ZNF225: variants seen among roughly 807,000 people sequenced by gnomAD.
ZNF225 encodes zinc finger protein 225.
ZNF225 carries 6 observed loss-of-function variants against 12.0 expected under a neutral mutation model. The ratio of observed to expected loss-of-function variants is 0.50; its 90% CI spans 0.27 to 0.98. The LOEUF (loss-of-function observed/expected upper bound fraction) is 0.98. Among genes scored for constraint, ZNF225 ranks in the 50% least tolerant of loss-of-function variants. The probability of loss-of-function intolerance (pLI) is 0.11; values close to 1 mark genes in which losing one functional copy is unlikely to be tolerated. For synonymous variants in ZNF225, 271 were observed against 283.2 expected (o/e 0.96, Z 0.43); for missense variants, 763 against 848.2 (o/e 0.90, Z 1.25).
chr19:44,127,640 C>CTTTAT (rs1488343254), intron 4 of ZNF225, among the ~76,000 whole-genome samples: 171 of 152,026 alleles, frequency 1.1e-3, no homozygotes, highest in African/African-American at 3.8e-3. Flanking sequence ...ATTTTTCTTT[C>CTTTAT]TTTATTTTAT....
In ZNF225 at chr19:44,118,254, G is replaced by A. The variant is rs1380708009; in HGVS notation, c.82G>A (p.Ala28Thr). ...TEEELRLLDL[A>T]QRKLYREVML... ...GGAAGAGCTGAGGCTGCTGGACCTT[G>A]CCCAGAGGAAACTGTACCGAGAAGT... The change falls in exon 3 of 5, where the codon GCC (alanine) becomes ACC (threonine). Residue 28 changes from alanine to threonine, a missense_variant. Physicochemically the swap from Ala to Thr is moderately conservative, Grantham distance 58 (BLOSUM62 0). Transcript: ENST00000262894. The A allele has an allele frequency of 6.2e-7, 1 of 1,613,486 alleles. No homozygotes were observed. The highest frequency in any genetic ancestry group is 2.2e-5 in the East Asian group (1 of 44,848).
In ZNF225 at chr19:44,118,593, T is replaced by G; in HGVS notation, c.235+19T>G. 6.2e-7 allele frequency: 1 copy of G among 1,604,018 alleles called. No homozygotes were observed. Among genetic ancestry groups the G allele is most frequent in the Non-Finnish European group, 8.5e-7 (1 of 1,172,462 alleles). On this transcript the variant is annotated intron_variant, in intron 4 of 4. Transcript: ENST00000262894. ...AATTTAGGTAAGAAGCAAGCAACTCTGTGTCCTTGTGCGTGACTCTCCCAT... is the reference window on the plus strand; with the variant it reads ...AATTTAGGTAAGAAGCAAGCAACTCGGTGTCCTTGTGCGTGACTCTCCCAT...
upstream of ZNF225, chr19:44,113,274 G>T (rs879564688): frequency 6.6e-6 from 1 of 152,328 alleles, no homozygotes; most frequent in Non-Finnish European, 1.5e-5. Context: ...GACGCTCAGT[G>T]GAGTCTCGGT....
At chr19:44,118,093 C>A in intron 2 of ZNF225, 95 bp from the exon 3 acceptor site, 1 of 1,403,146 alleles carries the variant, frequency 7.1e-7, no homozygotes. Flanking sequence ...AGATCCAAAA[C>A]AGCTTCTCAT....
At chr19:44,118,715 C>T in intron 4 of ZNF225, 141 bp downstream of exon 4, 1 of 823,284 alleles carries the variant, frequency 1.2e-6, no homozygotes, top group Admixed American at 3.0e-5. Context: ...GCTGGTTTCC[C>T]TGCTCCCACT....
chr19:44,119,507 A>G (rs1968012081), intron 4 of ZNF225, among the ~76,000 whole-genome samples: 1 of 152,044 alleles, frequency 6.6e-6, no homozygotes, highest in Non-Finnish European at 1.5e-5. Flanking sequence ...CCCTTCCTCC[A>G]TCTTCAAAGG....
At chr19:44,112,347 A>G (rs970001402), upstream of ZNF225, 7 of 152,184 alleles carry the variant, frequency 4.6e-5, no homozygotes, top group African/African-American at 1.7e-4. Flanking sequence ...TTCCTTAGGA[A>G]GGGAAATAAT....
upstream of ZNF225, among the ~76,000 whole-genome samples, chr19:44,112,669 GA>G (rs961226556): frequency 1.3e-5 from 2 of 152,120 alleles, no homozygotes; most frequent in Non-Finnish European, 2.9e-5. Context: ...TAACGGAGGG[GA>G]AAAAACTAAA....
In ZNF225 at chr19:44,131,970, A is replaced by C. The variant is rs775673893; in HGVS notation, c.1356A>C (p.Gly452=). ...DLDFHQRVHR[G]EKPYNCKECG... is the part of the protein sequence containing the mutation. Reference sequence around the variant, plus strand: ...ACTTTCATCAGAGGGTCCACAGAGGAGAGAAACCCTATAATTGTAAGGAAT... The same window carrying C: ...ACTTTCATCAGAGGGTCCACAGAGGCGAGAAACCCTATAATTGTAAGGAAT... The change falls in exon 5 of 5, where the codon GGA becomes GGC. Residue 452 remains glycine, a synonymous_variant. Transcript: ENST00000262894. 1 of 1,613,872 alleles carries C rather than the reference A, an allele frequency of 6.2e-7. No individual in the cohort carries two copies. The highest frequency in any genetic ancestry group is 1.1e-5 in the South Asian group (1 of 91,056).
intron 4 of ZNF225, chr19:44,128,766 A>G (rs1329258622): frequency 3.0e-6 from 1 of 336,318 alleles, no homozygotes; most frequent in African/African-American, 2.1e-5. Flanking sequence ...TGCTATGATA[A>G]TTTCTATTCT....
chr19:44,124,600 C>T (rs113435000), intron 4 of ZNF225, among the ~76,000 whole-genome samples: 58 of 152,286 alleles, frequency 3.8e-4, no homozygotes, highest in African/African-American at 1.3e-3. Context: ...CTGTCTGATG[C>T]TGTCAGTGGG....
At chr19:44,117,205 GA>G (rs2147553605) in intron 2 of ZNF225, among the ~76,000 whole-genome samples, 1 of 152,136 alleles carries the variant, frequency 6.6e-6, no homozygotes, top group Admixed American at 6.5e-5. Context: ...TTTAATCATT[GA>G]AAAAACTATA....
At chr19:44,125,055 G>A (rs1253714347) in intron 4 of ZNF225, among the ~76,000 whole-genome samples, 1 of 152,152 alleles carries the variant, frequency 6.6e-6, no homozygotes, top group Non-Finnish European at 1.5e-5. Context: ...CATTCATCTT[G>A]CTATTTGTTG....
chr19:44,114,202 G>A, intron 1 of ZNF225: 1 of 1,044,500 alleles, frequency 9.6e-7, no homozygotes, highest in Non-Finnish European at 1.5e-6. Context: ...GCTTCTGAGG[G>A]CAAAGCTCTA....
At chr19:44,128,753 C>T (rs538099334) in intron 4 of ZNF225, 5 of 308,730 alleles carry the variant, frequency 1.6e-5, no homozygotes, top group African/African-American at 4.3e-5. Flanking sequence ...CTGTTTGTCA[C>T]GATGCTATGA....
At chr19:44,123,943 C>G (rs527289499) in intron 4 of ZNF225, among the ~76,000 whole-genome samples, 8 of 151,922 alleles carry the variant, frequency 5.3e-5, no homozygotes, top group Non-Finnish European at 7.4e-5. Flanking sequence ...AAAGAACCAG[C>G]TTTTTGTTTC....
rs771760069 is a variant in ZNF225 at position 44,132,421 on chromosome 19, A to T, written c.1807A>T (p.Lys603Ter). The T allele has an allele frequency of 2.5e-6, 4 of 1,614,218 alleles. No homozygotes were observed. The highest frequency in any genetic ancestry group is 2.5e-6 in the Non-Finnish European group (3 of 1,180,030). ...GCCATTCAAATGTGAAGAGTGTGGG[A>T]AGAGATTTACTGAGAATTCACAGCT... ...EKPFKCEECG[K>*]RFTENSQLHS... The change falls in exon 5 of 5, where the codon AAG becomes TAG. Residue 603 changes from lysine to a stop codon, truncating the protein, a stop_gained. Transcript: ENST00000262894. LOFTEE classifies it low-confidence loss of function (END_TRUNC).
rs192190840 is a variant in ZNF225 at position 44,132,311 on chromosome 19, G to A, written c.1697G>A (p.Arg566Lys). The A allele has an allele frequency of 4.6e-4, 737 of 1,612,202 alleles. 5 individuals are homozygous for A. The African/African-American group carries it at 7.7e-3, about 17-fold the overall frequency. The change falls in exon 5 of 5, where the codon AGA becomes AAA. Residue 566 changes from arginine (R) to lysine (K), a missense_variant. By Grantham distance (26) the Arg-to-Lys change is conservative (BLOSUM62 2). Transcript: ENST00000262894. ...DMHQRVHTGERPYNCKECGKS... is the reference protein window; with the variant it reads ...DMHQRVHTGEKPYNCKECGKS... ...CACCAGAGGGTCCACACCGGAGAGA[G>A]ACCTTATAATTGTAAAGAATGTGGG... is the stretch of plus-strand genomic sequence containing the variant.
intron 2 of ZNF225, 58 bp downstream of exon 2, chr19:44,115,900 C>T (rs1028298988): frequency 7.6e-6 from 12 of 1,581,558 alleles, no homozygotes; most frequent in East Asian, 4.5e-5. Context: ...CTTGTTCTGT[C>T]GCCAAGGCTG....
Sources: gnomAD v4.1 joint callset for allele counts (sites outside exome capture counted in the v4.1 genomes callset) on GRCh38, gnomAD v4.1.1 for gene constraint, MANE v1.5 for transcripts, NCBI Gene and HGNC (gene_info 2026-07-23, HGNC 2026-07-21) for gene names.